SLC8A1: variants seen among roughly 807,000 people sequenced by gnomAD.
The protein encoded by SLC8A1 is sodium/calcium exchanger 1.
Under a neutral mutation model 68.3 loss-of-function variants are expected in SLC8A1, and 18 were observed. The ratio of observed to expected loss-of-function variants is 0.26; its 90% CI spans 0.18 to 0.39. SLC8A1 has a LOEUF of 0.39. SLC8A1 is among the 10% of genes least tolerant of loss of function. SLC8A1 has a pLI of 1.00. For missense variants in SLC8A1, 985 were observed against 1,156.7 expected (o/e 0.85, Z 2.15); for synonymous variants, 475 against 415.5 (o/e 1.14, Z -1.74).
intron 1 of SLC8A1, among the ~76,000 whole-genome samples, chr2:40,460,520 A>T (rs1042106173): frequency 4.6e-5 from 7 of 151,062 alleles, no homozygotes; most frequent in African/African-American, 4.9e-5. Context: ...TGAATTAGAC[A>T]CTCTCCATGG....
chr2:40,335,563 T>G (rs543255731), intron 2 of SLC8A1, among the ~76,000 whole-genome samples: 1 of 152,384 alleles, frequency 6.6e-6, no homozygotes, highest in East Asian at 1.9e-4. Context: ...GAACATAGCT[T>G]CCTTTCCCTT....
At chr2:40,134,579 C>T (rs2040130169) in intron 7 of SLC8A1, among the ~76,000 whole-genome samples, 2 of 152,172 alleles carry the variant, frequency 1.3e-5, no homozygotes, top group African/African-American at 4.8e-5. Context: ...TTTGTCCCTT[C>T]TTACTACAAT....
chr2:40,442,463 C>T lies in SLC8A1; in HGVS notation c.-25+9441G>A, dbSNP rs138229032. 1.8e-3 allele frequency among the ~76,000 whole-genome samples: 268 copies of T among 149,254 alleles called. 2 individuals are homozygous for T. The East Asian group carries it at 0.037, about 20-fold the overall frequency. ...GGATATGATATGAACAGACGCTTATCAAAAGAAGTCATTTATGCAGCCAAC... is the reference window on the plus strand; with the variant it reads ...GGATATGATATGAACAGACGCTTATTAAAAGAAGTCATTTATGCAGCCAAC... On this transcript the variant is annotated intron_variant, in intron 1 of 7. Transcript: ENST00000406785.
Position 40,347,764 on chromosome 2 carries a change from A to T in SLC8A1, c.1808+80709T>A, listed in dbSNP as rs139503170. Among the ~76,000 whole-genome samples, 295 of 152,342 alleles carry T rather than the reference A, an allele frequency of 1.9e-3. 4 individuals carry two copies. The highest frequency in any genetic ancestry group is 7.0e-3 in the African/African-American group (291 of 41,590). On this transcript the variant is annotated intron_variant, in intron 2 of 7. Transcript: ENST00000406785. Reference sequence around the variant, plus strand: ...CTCTTGAAACAAACTCCAAGTTTTAATGACCAACAAAAGAGATCTTTAGTG... The same window carrying T: ...CTCTTGAAACAAACTCCAAGTTTTATTGACCAACAAAAGAGATCTTTAGTG...
At chr2:40,487,398 T>C (rs1705039050) in intron 1 of SLC8A1, among the ~76,000 whole-genome samples, 1 of 152,178 alleles carries the variant, frequency 6.6e-6, no homozygotes, top group Admixed American at 6.6e-5. Context: ...GAGGAATATT[T>C]CACATCTCTT....
chr2:40,453,542 T>G (rs1702805035), upstream of SLC8A1: 1 of 152,212 alleles, frequency 6.6e-6, no homozygotes, highest in African/African-American at 2.4e-5. Flanking sequence ...CAACCCTCCT[T>G]GCACCTCAGA....
chr2:40,438,212 T>C (rs754428549), intron 1 of SLC8A1, among the ~76,000 whole-genome samples: 53 of 152,138 alleles, frequency 3.5e-4, no homozygotes, highest in Non-Finnish European at 5.3e-4. Flanking sequence ...CACATAATAA[T>C]TGTTCACCAC....
intron 6 of SLC8A1, among the ~76,000 whole-genome samples, chr2:40,147,245 G>A (rs1401213407): frequency 2.0e-5 from 3 of 151,900 alleles, no homozygotes; most frequent in African/African-American, 4.8e-5. Context: ...AAAAAAATCC[G>A]CTATATGAAT....
chr2:40,469,890 T>C (rs935218642), intron 1 of SLC8A1, among the ~76,000 whole-genome samples: 7 of 152,308 alleles, frequency 4.6e-5, no homozygotes, highest in East Asian at 1.9e-4. Flanking sequence ...AACCTTCCCA[T>C]TGAATGTTTT....
At chr2:40,441,494 A>T (rs1436837466) in intron 1 of SLC8A1, among the ~76,000 whole-genome samples, 9 of 152,112 alleles carry the variant, frequency 5.9e-5, no homozygotes, top group Non-Finnish European at 1.5e-5. Context: ...GGGGCATCAC[A>T]CTACCTGACT....
chr2:40,379,346 G>A (rs949197396), intron 2 of SLC8A1, among the ~76,000 whole-genome samples: 4 of 152,078 alleles, frequency 2.6e-5, no homozygotes, highest in African/African-American at 4.8e-5. Flanking sequence ...AGAAGTTTTA[G>A]CTAATGTAGA....
intron 2 of SLC8A1, chr2:40,178,394 C>G (rs2048864730): frequency 6.2e-7 from 1 of 1,613,570 alleles, no homozygotes; most frequent in Non-Finnish European, 8.5e-7. Flanking sequence ...CACCTTTCTT[C>G]TCACTCATCT....
exon 8 of SLC8A1, chr2:40,113,966 C>T (rs562841287): frequency 8.5e-5 from 13 of 152,848 alleles, no homozygotes; most frequent in East Asian, 5.6e-4. Flanking sequence ...TGTGCAGAAC[C>T]GTGAACAATA....
At chr2:40,192,467 T>C (rs1242922888) in intron 2 of SLC8A1, among the ~76,000 whole-genome samples, 4 of 152,106 alleles carry the variant, frequency 2.6e-5, no homozygotes, top group African/African-American at 4.8e-5. Flanking sequence ...TTTATGACAA[T>C]TTCTTATTGA....
At chr2:40,206,602 A>G (rs2055498197) in intron 2 of SLC8A1, among the ~76,000 whole-genome samples, 1 of 152,088 alleles carries the variant, frequency 6.6e-6, no homozygotes, top group Non-Finnish European at 1.5e-5. Flanking sequence ...ATTAAAAACA[A>G]GACCCATCAA....
At chr2:40,417,612 G>A (rs763998674) in intron 2 of SLC8A1, among the ~76,000 whole-genome samples, 8 of 152,010 alleles carry the variant, frequency 5.3e-5, no homozygotes, top group Non-Finnish European at 1.2e-4. Flanking sequence ...CGGCTCAAGT[G>A]ATCTTCCCAC....
rs531724910 is a variant in SLC8A1, at chr2:40,285,329, G to A, written c.1809-107474C>T. On this transcript the variant is annotated intron_variant, in intron 2 of 7. Coordinates refer to ENST00000406785, the Ensembl canonical transcript of SLC8A1. ...ACTATAAGATAAGGGTTCTTTGTAA[G>A]GACAGACCCATGCTTTCAGTAGTAA... Among the ~76,000 whole-genome samples the A allele has an allele frequency of 9.9e-5, 15 of 152,176 alleles. No homozygotes were observed. The South Asian group carries it at 2.3e-3, about 23-fold the overall frequency.
intron 7 of SLC8A1, among the ~76,000 whole-genome samples, chr2:40,137,573 C>T (rs1249013505): frequency 6.6e-6 from 1 of 152,162 alleles, no homozygotes. Context: ...CGGACAACCA[C>T]AATGTTGATT....
intron 2 of SLC8A1, among the ~76,000 whole-genome samples, chr2:40,214,921 A>G (rs972013249): frequency 1.3e-5 from 2 of 152,216 alleles, no homozygotes; most frequent in South Asian, 2.1e-4. Flanking sequence ...TTTCCTTTCT[A>G]TGGATATGTC....
Sources: allele counts gnomAD v4.1 joint callset (sites outside exome capture counted in the v4.1 genomes callset), GRCh38; gene constraint gnomAD v4.1.1; transcripts MANE v1.5; gene names NCBI Gene and HGNC (gene_info 2026-07-23, HGNC 2026-07-21).